WDPCP: variants seen among roughly 807,000 people sequenced by gnomAD.
The protein encoded by WDPCP is WD repeat containing planar cell polarity effector, also known as WD repeat-containing and planar cell polarity effector protein fritz homolog.
Under a neutral mutation model 93.1 loss-of-function variants are expected in WDPCP, and 71 were observed. That is an observed-to-expected ratio of 0.76 (90% confidence interval 0.63 to 0.93). WDPCP has a LOEUF of 0.93. Ranked by LOEUF, WDPCP falls within the 40% of genes least tolerant of loss-of-function variation. The pLI is 0.00. For synonymous variants in WDPCP, 315 were observed against 315.0 expected (o/e 1.00, Z 0.00); for missense variants, 844 against 887.4 (o/e 0.95, Z 0.62).
At chr2:63,429,704 C>T (rs747351277) in intron 9 of WDPCP, among the ~76,000 whole-genome samples, 1 of 151,878 alleles carries the variant, frequency 6.6e-6, no homozygotes, top group African/African-American at 2.4e-5. Flanking sequence ...GGTGACGCTG[C>T]AGAAAAAAAG....
At chr2:63,370,594 T>C (rs189977355) in intron 12 of WDPCP, among the ~76,000 whole-genome samples, 4 of 152,314 alleles carry the variant, frequency 2.6e-5, no homozygotes, top group Admixed American at 1.3e-4. Context: ...AAAAGAATTG[T>C]GCGAATATAG....
chr2:63,731,177 G>A (rs575393529), intron 2 of WDPCP, among the ~76,000 whole-genome samples: 6 of 151,442 alleles, frequency 4.0e-5, no homozygotes, highest in African/African-American at 1.5e-4. Flanking sequence ...GCTGAGGCAG[G>A]AGAATCACTT....
chr2:63,512,393 A>C (rs1170559575), intron 1 of WDPCP, among the ~76,000 whole-genome samples: 1 of 152,232 alleles, frequency 6.6e-6, no homozygotes, highest in Non-Finnish European at 1.5e-5. Flanking sequence ...ATTACTGGAT[A>C]TATACCCAAA....
intron 13 of WDPCP, among the ~76,000 whole-genome samples, chr2:63,303,943 G>A (rs1418341848): frequency 1.4e-5 from 2 of 139,944 alleles, no homozygotes; most frequent in Non-Finnish European, 3.0e-5. Context: ...CATCTTACAT[G>A]ACTCAGAATG....
intron 6 of WDPCP, among the ~76,000 whole-genome samples, chr2:63,445,301 G>A (rs1478553541): frequency 8.5e-5 from 13 of 152,232 alleles, no homozygotes; most frequent in Non-Finnish European, 1.5e-5. Flanking sequence ...TTTCTGGATA[G>A]AGAAGTGAGG....
intron 9 of WDPCP, among the ~76,000 whole-genome samples, chr2:63,430,360 C>T (rs1203557457): frequency 6.6e-6 from 1 of 152,012 alleles, no homozygotes; most frequent in Non-Finnish European, 1.5e-5. Context: ...TGCACAAGTA[C>T]CTCCCAATTC....
intron 9 of WDPCP, among the ~76,000 whole-genome samples, chr2:63,414,464 C>T (rs555468946): frequency 7.6e-6 from 1 of 131,316 alleles, no homozygotes; most frequent in Non-Finnish European, 1.7e-5. Context: ...TATATATACA[C>T]ACACATATAC....
At chr2:63,709,209 G>C (rs1371403383) in intron 2 of WDPCP, among the ~76,000 whole-genome samples, 1 of 148,174 alleles carries the variant, frequency 6.7e-6, no homozygotes, top group Non-Finnish European at 1.5e-5. Context: ...CAGATACTAG[G>C]TAGGCTGAGG....
intron 1 of WDPCP, among the ~76,000 whole-genome samples, chr2:63,819,520 T>TCTC (rs1297730205): frequency 6.6e-6 from 1 of 152,176 alleles, no homozygotes; most frequent in Non-Finnish European, 1.5e-5. Context: ...TTTATCACAA[T>TCTC]CTCCTGGAGG....
At chr2:63,696,805 C>A (rs1668966802) in intron 2 of WDPCP, among the ~76,000 whole-genome samples, 1 of 152,172 alleles carries the variant, frequency 6.6e-6, no homozygotes. Flanking sequence ...CTGGCTGATG[C>A]CAGAAAGTCT....
chr2:63,478,755 C>T (rs1457061972), intron 6 of WDPCP, among the ~76,000 whole-genome samples: 4 of 152,114 alleles, frequency 2.6e-5, no homozygotes, highest in Non-Finnish European at 4.4e-5. Context: ...TCTCAGGTCA[C>T]ACCTCAAGGA....
In WDPCP at chr2:63,489,124, C is replaced by G. The variant is rs529533448; in HGVS notation, c.161-1630G>C. Among the ~76,000 whole-genome samples the G allele has an allele frequency of 2.0e-5, 3 of 152,096 alleles. No homozygotes were observed. In the East Asian group the frequency reaches 5.8e-4, roughly 29 times the overall value. On this transcript the variant is annotated intron_variant, in intron 2 of 17. Transcript: ENST00000272321. ...GCAACCCAACATGGTATATCAAATC[C>G]CACATGGGGTGAGAAGGGTATCTAT...
intron 14 of WDPCP, among the ~76,000 whole-genome samples, chr2:63,182,566 G>A (rs570200915): frequency 6.6e-6 from 1 of 152,006 alleles, no homozygotes; most frequent in South Asian, 2.1e-4. Flanking sequence ...GCAGATTTTT[G>A]CATCTATGTT....
At chr2:63,191,120 T>C (rs1025234343) in intron 14 of WDPCP, among the ~76,000 whole-genome samples, 6 of 152,184 alleles carry the variant, frequency 3.9e-5, no homozygotes, top group Non-Finnish European at 1.5e-5. Flanking sequence ...GGGCTGGGCA[T>C]GGTGGCTCAC....
chr2:63,762,162 A>G (rs1205153686), intron 2 of WDPCP, among the ~76,000 whole-genome samples: 1 of 152,164 alleles, frequency 6.6e-6, no homozygotes, highest in Non-Finnish European at 1.5e-5. Context: ...CAAACCACTA[A>G]GTCCAAGTGG....
intron 6 of WDPCP, among the ~76,000 whole-genome samples, chr2:63,454,525 A>AT (rs1698494244): frequency 6.8e-6 from 1 of 146,952 alleles, no homozygotes; most frequent in African/African-American, 2.7e-5. Context: ...AAATAAAAAA[A>AT]TAAAAAAATA....
intron 12 of WDPCP, among the ~76,000 whole-genome samples, chr2:63,354,866 A>T (rs143057707): frequency 6.6e-6 from 1 of 152,326 alleles, no homozygotes; most frequent in Non-Finnish European, 1.5e-5. Flanking sequence ...TTGAAGATCG[A>T]TTATCTGAAA....
chr2:63,272,203 A>T (rs1682719040), intron 13 of WDPCP, among the ~76,000 whole-genome samples: 1 of 152,204 alleles, frequency 6.6e-6, no homozygotes, highest in African/African-American at 2.4e-5. Context: ...TAACAACTGC[A>T]GCCCAAGCAA....
chr2:63,730,256 G>A (rs1367666741), intron 2 of WDPCP, among the ~76,000 whole-genome samples: 3 of 151,510 alleles, frequency 2.0e-5, no homozygotes, highest in African/African-American at 4.9e-5. Flanking sequence ...ACTGACCCAA[G>A]ATCACACAGC....
Sources: allele counts gnomAD v4.1 joint callset (sites outside exome capture counted in the v4.1 genomes callset), GRCh38; gene constraint gnomAD v4.1.1; transcripts MANE v1.5; gene names NCBI Gene and HGNC (gene_info 2026-07-23, HGNC 2026-07-21).